CARS1: variants seen among roughly 807,000 people sequenced by gnomAD.
CARS1 encodes cysteinyl-tRNA synthetase 1.
Under a neutral mutation model 106.2 loss-of-function variants are expected in CARS1, and 48 were observed. The observed-to-expected ratio is 0.45, with a 90% CI of 0.36 to 0.57. The LOEUF (loss-of-function observed/expected upper bound fraction) is 0.57, where lower values mean the gene tolerates loss of function less well. CARS1 is among the 20% of genes least tolerant of loss of function. The pLI, the probability that CARS1 is intolerant of heterozygous loss-of-function variation, is 0.00. For synonymous variants in CARS1, 409 were observed against 403.4 expected (o/e 1.01, Z -0.17); for missense variants, 968 against 1,057.2 (o/e 0.92, Z 1.17).
rs445375 is a variant in CARS1 at position 3,034,705 on chromosome 11, T to A, written c.801+3345A>T. ...CCACAACACCCAGCTAATTTTTTTT[T>A]TTTTATTTTTAGTAGAGACGGGGTT... On this transcript the variant is annotated intron_variant, in intron 7 of 22. Coordinates refer to ENST00000380525, the MANE Select transcript of CARS1 (RefSeq NM_001014437.3). The surrounding 1 kb of genome is among the most constrained non-coding windows in gnomAD (Gnocchi z 6.3). Among the ~76,000 whole-genome samples, 50,079 of 151,692 alleles carry A rather than the reference T, an allele frequency of 0.33. 10,209 individuals are homozygous for A. The highest frequency in any genetic ancestry group is 0.63 in the East Asian group (3,213 of 5,120).
chr11:3,022,291 G>A lies in CARS1; in HGVS notation c.1154-1959C>T, dbSNP rs1434583337. Among the ~76,000 whole-genome samples the A allele has an allele frequency of 6.6e-6, 1 of 152,178 alleles. No individual in the cohort carries two copies. Among genetic ancestry groups the A allele is most frequent in the African/African-American group, 2.4e-5 (1 of 41,432 alleles). On this transcript the variant is annotated intron_variant, in intron 10 of 22. Transcript: ENST00000380525. This position sits in a 1 kb window ranked among gnomAD's most constrained non-coding sequence, Gnocchi z 4.9. Reference sequence around the variant, plus strand: ...TCCAGCAGGACAGCTGTTGCCAACTGGTCTGAAGACCTGCACCAAGGAACT... The same window carrying A: ...TCCAGCAGGACAGCTGTTGCCAACTAGTCTGAAGACCTGCACCAAGGAACT...
rs750152797 is a variant in CARS1 at position 3,029,001 on chromosome 11, A to G, written c.1026T>C (p.Gly342=). The G allele has an allele frequency of 6.2e-7, 1 of 1,612,656 alleles. No homozygotes were observed. The highest frequency in any genetic ancestry group is 1.1e-5 in the South Asian group (1 of 91,056). Residue 342 remains glycine, a synonymous_variant, in exon 9 of 23, where the codon GGT becomes GGC. Coordinates refer to ENST00000380525, the MANE Select transcript of CARS1 (RefSeq NM_001014437.3). The surrounding 1 kb of genome is among the most constrained non-coding windows in gnomAD (Gnocchi z 5.9). Reference sequence around the variant, plus strand: ...GGGAAGGCCCTTGTGCTTACCCGTAACCGTTGTCCACAATCTTCTGGACAA... The same window carrying G: ...GGGAAGGCCCTTGTGCTTACCCGTAGCCGTTGTCCACAATCTTCTGGACAA... ...VNFVQKIVDN[G]YGYVSNGSVY...
In CARS1 at chr11:3,040,960, T is replaced by G; in HGVS notation, c.391A>C (p.Lys131Gln). Residue 131 changes from lysine (K) to glutamine (Q), a missense_variant, in exon 4 of 23, where the codon AAA (lysine) becomes CAA (glutamine). Coordinates refer to ENST00000380525, the MANE Select transcript of CARS1 (RefSeq NM_001014437.3). This position sits in a 1 kb window ranked among gnomAD's most constrained non-coding sequence, Gnocchi z 5.8. ...CCACAGCAATACCACGTCACCTTTT[T>G]CCCATCTTGAGGTATGAACACTTCC... ...NKEVFIPQDG[K>Q]KVTWYCCGPT... 6.2e-7 allele frequency: 1 copy of G among 1,614,118 alleles called. No homozygotes were observed. The highest frequency in any genetic ancestry group is 2.2e-5 in the East Asian group (1 of 44,872).
Position 3,053,218 on chromosome 11 carries a change from T to TTTTTATTTTA in CARS1, c.25+4115_25+4124dup, listed in dbSNP as rs199617458. ...CCTATCAGCATTTATTTTTTATTTATTTTTATTTTATTTTATTTTATTTTA... is the reference window on the plus strand; with the variant it reads ...CCTATCAGCATTTATTTTTTATTTATTTTTATTTTATTTTATTTTATTTTATTTTATTTTA... On this transcript the variant is annotated intron_variant, in intron 1 of 22. Transcript: ENST00000380525. This position sits in a 1 kb window ranked among gnomAD's most constrained non-coding sequence, Gnocchi z 6.6. 6.6e-6 allele frequency among the ~76,000 whole-genome samples: 1 copy of TTTTTATTTTA among 152,094 alleles called. No homozygotes were observed. Among genetic ancestry groups the TTTTTATTTTA allele is most frequent in the Admixed American group, 6.6e-5 (1 of 15,260 alleles).
Position 3,009,834 on chromosome 11 carries a change from T to C in CARS1, c.2068+2361A>G, listed in dbSNP as rs142717986. The stretch of plus-strand genomic sequence containing the variant: ...CTGAGGGCCACCCCTGAGCTTGTTA[T>C]ACACTCACTTTCTCTTTGGCCAGCC... On this transcript the variant is annotated intron_variant, in intron 18 of 22. Transcript: ENST00000380525. Among the ~76,000 whole-genome samples, 20 of 152,372 alleles carry C rather than the reference T, an allele frequency of 1.3e-4. No homozygotes were observed. In the East Asian group the frequency reaches 2.1e-3, roughly 16 times the overall value.
chr11:3,051,596 G>C (rs1855704646), intron 1 of CARS1, among the ~76,000 whole-genome samples: 1 of 152,220 alleles, frequency 6.6e-6, no homozygotes, highest in African/African-American at 2.4e-5. Flanking sequence ...TTCTAGTTTA[G>C]CTGGATATTT....
At chr11:3,049,733 C>T (rs775466777) in intron 1 of CARS1, among the ~76,000 whole-genome samples, 1 of 152,210 alleles carries the variant, frequency 6.6e-6, no homozygotes, top group Non-Finnish European at 1.5e-5. Flanking sequence ...AGCCATGGGG[C>T]GTGGATGCCC....
rs1851152845 is a variant in CARS1, at chr11:3,017,473, A to T, written c.1728-178T>A. 1 of 590,594 alleles carries T rather than the reference A, an allele frequency of 1.7e-6. No individual in the cohort carries two copies. Among genetic ancestry groups the T allele is most frequent in the Non-Finnish European group, 3.0e-6 (1 of 333,318 alleles). The allele number at this position is 590,594 out of a possible 1,614,324, so 36.6% of individuals were successfully genotyped here. On this transcript the variant is annotated intron_variant, in intron 15 of 22. Coordinates refer to ENST00000380525, the MANE Select transcript of CARS1 (RefSeq NM_001014437.3). The surrounding 1 kb of genome is among the most constrained non-coding windows in gnomAD (Gnocchi z 4.9). ...GCCTGACAAACATGGAGAGACCCCC[A>T]CCTCTACTAAAAATCTGAAATTAGC...
intron 3 of CARS1, 34 bp downstream of exon 3, chr11:3,042,131 T>A: frequency 6.5e-7 from 1 of 1,528,380 alleles, no homozygotes; most frequent in Non-Finnish European, 9.1e-7. Context: ...CTCCCCATTG[T>A]GTGCGTGTGC....
chr11:3,040,812 C>A lies in CARS1; in HGVS notation c.455+84G>T. 7.1e-7 allele frequency: 1 copy of A among 1,412,038 alleles called. No individual in the cohort carries two copies. 87.5% of individuals were successfully genotyped at this position (1,412,038 alleles called of 1,614,324 possible). A position where few individuals can be genotyped will look rare whatever the true frequency, so the allele number is the denominator to read the frequency against. On this transcript the variant is annotated intron_variant, in intron 4 of 22. Transcript: ENST00000380525. This position sits in a 1 kb window ranked among gnomAD's most constrained non-coding sequence, Gnocchi z 5.8. ...TAGCAGATCTAAGATCTTTGTGGACCTAAGATCGCTGCTGTGGATCCCAAT... is the reference window on the plus strand; with the variant it reads ...TAGCAGATCTAAGATCTTTGTGGACATAAGATCGCTGCTGTGGATCCCAAT...
intron 18 of CARS1, among the ~76,000 whole-genome samples, chr11:3,011,882 G>A (rs1249885143): frequency 6.6e-6 from 1 of 152,188 alleles, no homozygotes; most frequent in Non-Finnish European, 1.5e-5. Context: ...ATTCTGCCTC[G>A]GCTCAGAGAA....
At chr11:3,005,083 G>A (rs928713215) in intron 20 of CARS1, among the ~76,000 whole-genome samples, 1 of 128,718 alleles carries the variant, frequency 7.8e-6, no homozygotes, top group South Asian at 2.5e-4. Context: ...ACTCCAGTCT[G>A]AGCAACAGAG....
chr11:3,040,984 C>G lies in CARS1; in HGVS notation c.367G>C (p.Glu123Gln). Residue 123 changes from glutamate to glutamine, a missense_variant and splice_region_variant, in exon 4 of 23, where the codon GAA becomes CAA. Physicochemically the swap from Glu to Gln is conservative, Grantham distance 29. Transcript: ENST00000380525. The surrounding 1 kb of genome is among the most constrained non-coding windows in gnomAD (Gnocchi z 5.8). ...TTCCCATCTTGAGGTATGAACACTT[C>G]CTTTGTTAGGAATGAAGGAATGACG... ...HLYNSLTRNK[E>Q]VFIPQDGKKV... 6.2e-7 allele frequency: 1 copy of G among 1,614,098 alleles called. No individual in the cohort carries two copies. Among genetic ancestry groups the G allele is most frequent in the Non-Finnish European group, 8.5e-7 (1 of 1,179,978 alleles).
chr11:3,010,571 T>C (rs1850352714), intron 18 of CARS1, among the ~76,000 whole-genome samples: 1 of 152,224 alleles, frequency 6.6e-6, no homozygotes, highest in Non-Finnish European at 1.5e-5. Flanking sequence ...CGCTGCCTGT[T>C]AGGGGCTCAG....
In CARS1 at chr11:3,002,070, G is replaced by A. The variant is rs562794798; in HGVS notation, c.2278-17C>T. The A allele has an allele frequency of 1.6e-5, 26 of 1,579,206 alleles. No individual in the cohort carries two copies. The highest frequency in any genetic ancestry group is 6.7e-5 in the Admixed American group (4 of 59,978). On this transcript the variant is annotated splice_polypyrimidine_tract_variant and intron_variant, in intron 21 of 22. Transcript: ENST00000380525. ...CTTTGCTGCCTAGAACACGCAACAC[G>A]GCACAGTCACTGCCCCCGAGCAGCA...
Position 3,040,549 on chromosome 11 carries a change from A to G in CARS1, c.455+347T>C. 2.0e-6 allele frequency: 1 copy of G among 499,164 alleles called. No individual in the cohort carries two copies. Among genetic ancestry groups the G allele is most frequent in the Non-Finnish European group, 3.9e-6 (1 of 255,670 alleles). The allele number at this position is 499,164 out of a possible 1,614,324, so 30.9% of individuals were successfully genotyped here. A position where few individuals can be genotyped will look rare whatever the true frequency, so the allele number is the denominator to read the frequency against. On this transcript the variant is annotated intron_variant, in intron 4 of 22. Transcript: ENST00000380525. This position sits in a 1 kb window ranked among gnomAD's most constrained non-coding sequence, Gnocchi z 5.8. ...GTCAGGCCTGTCAGGTCTGAGTGTCACGGGAACTCAGCATCTGGGGACCCC... is the reference window on the plus strand; with the variant it reads ...GTCAGGCCTGTCAGGTCTGAGTGTCGCGGGAACTCAGCATCTGGGGACCCC...
In CARS1 at chr11:3,029,609, C is replaced by T. The variant is rs543811472; in HGVS notation, c.802-166G>A. On this transcript the variant is annotated intron_variant, in intron 7 of 22. Coordinates refer to ENST00000380525, the MANE Select transcript of CARS1 (RefSeq NM_001014437.3). This position sits in a 1 kb window ranked among gnomAD's most constrained non-coding sequence, Gnocchi z 5.9. ...GACTGTGATGCTTACACAACTGGCT[C>T]GGCAGGGACAAATACAAGACTCTAC... The T allele has an allele frequency of 1.7e-5, 11 of 657,984 alleles. No individual in the cohort carries two copies. Among genetic ancestry groups the T allele is most frequent in the East Asian group, 1.4e-4 (5 of 36,434 alleles). 40.8% of individuals were successfully genotyped at this position (657,984 alleles called of 1,614,324 possible).
intron 10 of CARS1, among the ~76,000 whole-genome samples, chr11:3,023,297 C>T (rs192290891): frequency 1.3e-3 from 200 of 152,258 alleles, no homozygotes; most frequent in African/African-American, 4.5e-3. Context: ...AAATGCAGTG[C>T]GAGTTGTTCA....
In CARS1 at chr11:3,040,382, T is replaced by G. The variant is rs1854285832; in HGVS notation, c.456-451A>C. ...TCTACCCTCCAGGTTGTTCAAGGGT[T>G]GACTATACATGACCTTGGCACTGCA... On this transcript the variant is annotated intron_variant, in intron 4 of 22. Coordinates refer to ENST00000380525, the MANE Select transcript of CARS1 (RefSeq NM_001014437.3). The surrounding 1 kb of genome is among the most constrained non-coding windows in gnomAD (Gnocchi z 5.8). The G allele has an allele frequency of 5.4e-6, 2 of 367,724 alleles. No homozygotes were observed. The highest frequency in any genetic ancestry group is 1.1e-5 in the Non-Finnish European group (2 of 187,758). The allele number at this position is 367,724 out of a possible 1,614,324, so 22.8% of individuals were successfully genotyped here.
Sources: allele counts gnomAD v4.1 joint callset (sites outside exome capture counted in the v4.1 genomes callset), GRCh38; gene constraint gnomAD v4.1.1; non-coding constraint Gnocchi (gnomAD v3.1); transcripts MANE v1.5; gene names NCBI Gene and HGNC (gene_info 2026-07-23, HGNC 2026-07-21).